The following ATP9B variants were observed in gnomAD, a reference collection of about 807,000 sequenced individuals.
ATP9B encodes probable phospholipid-transporting ATPase IIB.
In ATP9B, 110 loss-of-function variants were observed where a neutral mutation model predicts 146.1. That is an observed-to-expected ratio of 0.75 (90% CI 0.65 to 0.88). ATP9B has a LOEUF of 0.88. Ranked by LOEUF, ATP9B falls within the 40% of genes least tolerant of loss-of-function variation. The pLI is 0.00. For synonymous variants in ATP9B, 604 were observed against 569.7 expected, an observed-to-expected ratio of 1.06 and a Z score of -0.86; for missense variants, 1,499 against 1,496.4, an observed-to-expected ratio of 1.00 and a Z score of -0.03.
intron 7 of ATP9B, among the ~76,000 whole-genome samples, chr18:79,172,782 A>G (rs1240999047): frequency 6.6e-6 from 1 of 152,256 alleles, no homozygotes; most frequent in Non-Finnish European, 1.5e-5. Context: ...ACCATTCATC[A>G]TTGTTGGTTG....
chr18:79,072,901 T>C (rs1414536132), intron 1 of ATP9B, among the ~76,000 whole-genome samples: 1 of 148,004 alleles, frequency 6.8e-6, no homozygotes, highest in African/African-American at 2.5e-5. Flanking sequence ...GAGATGCTCC[T>C]CACCTCCCAG....
chr18:79,365,440 T>TTGGG (rs1381930828), intron 26 of ATP9B, among the ~76,000 whole-genome samples: 1 of 152,228 alleles, frequency 6.6e-6, no homozygotes, highest in Non-Finnish European at 1.5e-5. Flanking sequence ...GGAAGACAGT[T>TTGGG]TGGGCATTTC....
intron 26 of ATP9B, among the ~76,000 whole-genome samples, chr18:79,364,514 C>T (rs186435747): frequency 1.3e-5 from 2 of 152,172 alleles, no homozygotes; most frequent in East Asian, 1.9e-4. Flanking sequence ...GACAATTCGC[C>T]GCCCATGAGC....
At chr18:79,100,589 A>T (rs1468010518) in intron 2 of ATP9B, among the ~76,000 whole-genome samples, 2 of 152,138 alleles carry the variant, frequency 1.3e-5, no homozygotes, top group African/African-American at 2.4e-5. Flanking sequence ...TTTACTTTTT[A>T]AAAAAATTTT....
chr18:79,071,398 C>CTTTTTTTTTTTTTTTTTTTTTTTTTTTTT (rs747150962), intron 1 of ATP9B, among the ~76,000 whole-genome samples: 26 of 22,404 alleles, frequency 1.2e-3, no homozygotes, highest in Admixed American at 2.5e-3. Context: ...TATTGTTCTT[C>CTTTTTTTTTTTTTTTTTTTTTTTTTTTTT]CTTTTTTTTT....
At chr18:79,321,577 G>T (rs1271242217) in intron 15 of ATP9B, among the ~76,000 whole-genome samples, 1 of 151,784 alleles carries the variant, frequency 6.6e-6, no homozygotes, top group Non-Finnish European at 1.5e-5. Context: ...TCGAAATTCT[G>T]TCCAACAACA....
chr18:79,231,778 G>GTA (rs781387419), intron 11 of ATP9B, among the ~76,000 whole-genome samples: 2,515 of 121,210 alleles, frequency 0.021, 105 homozygotes, highest in African/African-American at 0.077. Flanking sequence ...GTGTGTGTGT[G>GTA]TATATATATA....
chr18:79,368,259 G>C (rs1022205535), intron 26 of ATP9B, among the ~76,000 whole-genome samples: 1 of 152,246 alleles, frequency 6.6e-6, no homozygotes, highest in African/African-American at 2.4e-5. Context: ...ACAGAATTGG[G>C]CATGGCGCCA....
chr18:79,375,293 T>C (rs2097096527), intron 28 of ATP9B, 101 bp from the exon 29 acceptor site: 14 of 1,104,502 alleles, frequency 1.3e-5, no homozygotes, highest in Middle Eastern at 2.0e-4. Flanking sequence ...TGCCATTTTA[T>C]TGCTTTTTAA....
At chr18:79,191,902 A>G (rs1442077236) in intron 8 of ATP9B, among the ~76,000 whole-genome samples, 2 of 152,116 alleles carry the variant, frequency 1.3e-5, no homozygotes, top group African/African-American at 2.4e-5. Context: ...GATTCATTGT[A>G]GAGAGGCAGG....
At chr18:79,244,550 C>G (rs1271878122) in intron 11 of ATP9B, among the ~76,000 whole-genome samples, 2 of 152,222 alleles carry the variant, frequency 1.3e-5, no homozygotes, top group African/African-American at 4.8e-5. Context: ...TATTTAGTAA[C>G]TTTCTTCATG....
intron 6 of ATP9B, among the ~76,000 whole-genome samples, chr18:79,149,121 A>G (rs2094641322): frequency 1.3e-5 from 2 of 152,238 alleles, no homozygotes; most frequent in Non-Finnish European, 2.9e-5. Context: ...CATTCCTATC[A>G]AAGTCTCAGC....
intron 6 of ATP9B, among the ~76,000 whole-genome samples, chr18:79,147,847 A>C (rs531360741): frequency 6.6e-6 from 1 of 152,098 alleles, no homozygotes; most frequent in South Asian, 2.1e-4. Flanking sequence ...AAAATGGAAA[A>C]TAGGAAGACA....
chr18:79,244,957 G>A (rs368708360), intron 11 of ATP9B, among the ~76,000 whole-genome samples: 3 of 151,810 alleles, frequency 2.0e-5, no homozygotes, highest in African/African-American at 7.3e-5. Context: ...TATTAGAATA[G>A]AATCTATTTT....
At chr18:79,252,699 A>G (rs2145065219) in intron 11 of ATP9B, among the ~76,000 whole-genome samples, 1 of 152,314 alleles carries the variant, frequency 6.6e-6, no homozygotes, top group Non-Finnish European at 1.5e-5. Context: ...TAAACGATCC[A>G]TAGAATGGAC....
At chr18:79,111,615 CAG>C (rs1429388327) in intron 3 of ATP9B, among the ~76,000 whole-genome samples, 3 of 152,158 alleles carry the variant, frequency 2.0e-5, no homozygotes, top group African/African-American at 7.2e-5. Context: ...TCACAGATCT[CAG>C]AGATTGGCTA....
At chr18:79,102,655 C>G (rs1044374131) in intron 2 of ATP9B, among the ~76,000 whole-genome samples, 21 of 152,074 alleles carry the variant, frequency 1.4e-4, no homozygotes, top group Admixed American at 9.8e-4. Flanking sequence ...TAATCTTGTT[C>G]ATATCTACAA....
At chr18:79,069,878 A>C (rs1383884948) in intron 1 of ATP9B, among the ~76,000 whole-genome samples, 2 of 152,260 alleles carry the variant, frequency 1.3e-5, no homozygotes, top group African/African-American at 4.8e-5. Flanking sequence ...AGAGTCTCCG[A>C]AACTTGTTCT....
chr18:79,214,999 T>C (rs1397296023), intron 11 of ATP9B, among the ~76,000 whole-genome samples: 4 of 151,800 alleles, frequency 2.6e-5, no homozygotes, highest in African/African-American at 4.8e-5. Flanking sequence ...AATACAAAAA[T>C]TAGCTGGGCA....
Sources: gnomAD v4.1 joint callset for allele counts (sites outside exome capture counted in the v4.1 genomes callset) on GRCh38, gnomAD v4.1.1 for gene constraint, MANE v1.5 for transcripts, NCBI Gene and HGNC (gene_info 2026-07-23, HGNC 2026-07-21) for gene names.